The following L3MBTL4 variants were observed in gnomAD, a reference collection of about 807,000 sequenced individuals.
L3MBTL4 encodes the protein L3MBTL histone methyl-lysine binding protein 4, also known as lethal(3)malignant brain tumor-like protein 4.
A neutral mutation model predicts 84.5 loss-of-function variants in L3MBTL4; 70 were observed. The observed-to-expected ratio is 0.83, with a 90% CI of 0.68 to 1.01. The LOEUF is 1.01. Among genes scored for constraint, L3MBTL4 ranks in the 50% least tolerant of loss-of-function variants. L3MBTL4 has a pLI of 0.00. For missense variants in L3MBTL4, 715 were observed against 754.8 expected (o/e 0.95, Z 0.62); for synonymous variants, 274 against 259.8 (o/e 1.05, Z -0.52).
chr18:6,041,350 T>C (rs759242495), intron 16 of L3MBTL4, among the ~76,000 whole-genome samples: 1 of 152,186 alleles, frequency 6.6e-6, no homozygotes, highest in Non-Finnish European at 1.5e-5. Flanking sequence ...CCAACTTGCT[T>C]CCAACAGGTG....
intron 5 of L3MBTL4, among the ~76,000 whole-genome samples, chr18:6,253,311 A>G (rs1390684793): frequency 3.9e-5 from 6 of 152,378 alleles, no homozygotes; most frequent in South Asian, 2.1e-4. Flanking sequence ...CTGTTTGCAC[A>G]CTGGTCAATA....
At chr18:6,282,377 C>T (rs1469353831) in intron 4 of L3MBTL4, among the ~76,000 whole-genome samples, 1 of 152,140 alleles carries the variant, frequency 6.6e-6, no homozygotes, top group Non-Finnish European at 1.5e-5. Flanking sequence ...GAAAAGCTTC[C>T]CTGACAAGTG....
intron 16 of L3MBTL4, among the ~76,000 whole-genome samples, chr18:5,979,402 G>T (rs1202061040): frequency 6.6e-6 from 1 of 152,132 alleles, no homozygotes; most frequent in Non-Finnish European, 1.5e-5. Flanking sequence ...TGACAAGTCT[G>T]GGATCAAATG....
chr18:6,328,387 A>G (rs1482413479), intron 1 of L3MBTL4, among the ~76,000 whole-genome samples: 1 of 152,214 alleles, frequency 6.6e-6, no homozygotes, highest in Non-Finnish European at 1.5e-5. Context: ...TGAGAAGGAC[A>G]GACTATACTC....
At chr18:6,166,250 G>A (rs1211656599) in intron 13 of L3MBTL4, among the ~76,000 whole-genome samples, 2 of 152,122 alleles carry the variant, frequency 1.3e-5, no homozygotes, top group African/African-American at 2.4e-5. Context: ...ACACCCCGCT[G>A]TCAACATTAG....
At chr18:6,041,703 A>G (rs997446263) in intron 16 of L3MBTL4, among the ~76,000 whole-genome samples, 3 of 151,750 alleles carry the variant, frequency 2.0e-5, no homozygotes, top group Admixed American at 6.6e-5. Flanking sequence ...CTGCTTTTCT[A>G]TGCGCCCAGT....
chr18:6,138,881 G>A (rs8087725), intron 13 of L3MBTL4, among the ~76,000 whole-genome samples: 1 of 152,140 alleles, frequency 6.6e-6, no homozygotes, highest in Non-Finnish European at 1.5e-5. Flanking sequence ...ATTTCTTTCA[G>A]AGATTAATAA....
At chr18:6,317,317 C>A (rs2051157714) in intron 1 of L3MBTL4, among the ~76,000 whole-genome samples, 1 of 151,314 alleles carries the variant, frequency 6.6e-6, no homozygotes, top group Non-Finnish European at 1.5e-5. Flanking sequence ...CAAGCAGATA[C>A]CAGAGAAAGG....
chr18:6,219,039 G>C (rs1258608293), intron 10 of L3MBTL4, among the ~76,000 whole-genome samples: 1 of 152,134 alleles, frequency 6.6e-6, no homozygotes, highest in African/African-American at 2.4e-5. Flanking sequence ...CCATTTATAG[G>C]TAAGCACTGT....
intron 12 of L3MBTL4, among the ~76,000 whole-genome samples, chr18:6,184,100 C>T (rs890938407): frequency 6.6e-6 from 1 of 152,050 alleles, no homozygotes; most frequent in South Asian, 2.1e-4. Context: ...GATGTACTTA[C>T]AAAATGAATG....
At chr18:5,960,066 A>ATATATACGTATATG in intron 18 of L3MBTL4, 28 bp downstream of exon 18, 1 of 696,878 alleles carries the variant, frequency 1.4e-6, no homozygotes, top group Non-Finnish European at 2.2e-6. Context: ...ATATACATAT[A>ATATATACGTATATG]TATATATATA....
chr18:6,129,409 T>TGTGTGTGTGC (rs1598846647), intron 14 of L3MBTL4, among the ~76,000 whole-genome samples: 1 of 151,076 alleles, frequency 6.6e-6, no homozygotes, highest in African/African-American at 2.4e-5. Flanking sequence ...TGTGTGTGTG[T>TGTGTGTGTGC]TCCAATTCAC....
At chr18:5,967,997 G>C (rs2052438200) in intron 17 of L3MBTL4, among the ~76,000 whole-genome samples, 2 of 152,226 alleles carry the variant, frequency 1.3e-5, no homozygotes, top group African/African-American at 4.8e-5. Context: ...ACACAGGTGG[G>C]AATGGAACTG....
At chr18:6,366,348 C>A (rs1350168286) in intron 1 of L3MBTL4, among the ~76,000 whole-genome samples, 1 of 152,164 alleles carries the variant, frequency 6.6e-6, no homozygotes, top group Non-Finnish European at 1.5e-5. Flanking sequence ...GACAAACGCT[C>A]ATGTCAGAGA....
chr18:6,061,365 C>T (rs2057212657), intron 16 of L3MBTL4, among the ~76,000 whole-genome samples: 1 of 151,982 alleles, frequency 6.6e-6, no homozygotes, highest in Non-Finnish European at 1.5e-5. Flanking sequence ...ATTAGCAGTT[C>T]TTTGTACATT....
intron 12 of L3MBTL4, among the ~76,000 whole-genome samples, chr18:6,177,621 T>C (rs2044281655): frequency 1.3e-5 from 2 of 152,336 alleles, no homozygotes; most frequent in South Asian, 2.1e-4. Context: ...CATCTCAATA[T>C]AGTTACTTTA....
chr18:6,386,094 A>G (rs1234310136), intron 1 of L3MBTL4, among the ~76,000 whole-genome samples: 1 of 152,234 alleles, frequency 6.6e-6, no homozygotes, highest in South Asian at 2.1e-4. Context: ...TCAAAGCAGA[A>G]TGTACTAAAT....
chr18:6,240,262 T>A (rs993849789), intron 8 of L3MBTL4, among the ~76,000 whole-genome samples: 3 of 152,110 alleles, frequency 2.0e-5, no homozygotes, highest in Non-Finnish European at 4.4e-5. Context: ...ATGCCACTAT[T>A]TGAAAAAGTG....
chr18:6,164,156 C>T (rs1283095102), intron 13 of L3MBTL4, among the ~76,000 whole-genome samples: 4 of 152,190 alleles, frequency 2.6e-5, no homozygotes, highest in Admixed American at 6.5e-5. Context: ...ATTGCAGAGG[C>T]TTGAGTAGGT....
Sources: allele counts gnomAD v4.1 joint callset (sites outside exome capture counted in the v4.1 genomes callset), GRCh38; gene constraint gnomAD v4.1.1; transcripts MANE v1.5; gene names NCBI Gene and HGNC (gene_info 2026-07-23, HGNC 2026-07-21).